SP4: variants seen among roughly 807,000 people sequenced by gnomAD.
The protein encoded by SP4 is Sp4 transcription factor, also known as transcription factor Sp4.
In SP4, 19 loss-of-function variants were observed where a neutral mutation model predicts 72.8. The ratio of observed to expected loss-of-function variants is 0.26; its 90% CI spans 0.18 to 0.38. SP4 has a LOEUF of 0.38. Ranked by LOEUF, SP4 falls within the 10% of genes least tolerant of loss-of-function variation. The probability of loss-of-function intolerance (pLI) is 1.00; values close to 1 mark genes in which losing one functional copy is unlikely to be tolerated. For missense variants in SP4, 1,008 were observed against 926.3 expected, an observed-to-expected ratio of 1.09 and a Z score of -1.14; for synonymous variants, 395 against 333.1, an observed-to-expected ratio of 1.19 and a Z score of -2.02.
chr7:21,450,726 T>C (rs1053904284), intron 3 of SP4, among the ~76,000 whole-genome samples: 1 of 152,220 alleles, frequency 6.6e-6, no homozygotes, highest in Non-Finnish European at 1.5e-5. Context: ...TTTCATATAC[T>C]ACATACTAGC....
At chr7:21,493,756 A>G (rs184786624) in intron 5 of SP4, among the ~76,000 whole-genome samples, 1 of 152,302 alleles carries the variant, frequency 6.6e-6, no homozygotes, top group Admixed American at 6.5e-5. Flanking sequence ...GACAAATTCT[A>G]CCATTTAAGG....
chr7:21,447,869 A>G (rs2128397225), intron 3 of SP4, among the ~76,000 whole-genome samples: 1 of 152,264 alleles, frequency 6.6e-6, no homozygotes, highest in South Asian at 2.1e-4. Context: ...TTGTTACTAG[A>G]GATGGGGTTT....
chr7:21,476,074 C>G (rs554393900), intron 3 of SP4, among the ~76,000 whole-genome samples: 39 of 151,890 alleles, frequency 2.6e-4, no homozygotes, highest in African/African-American at 9.2e-4. Context: ...AGTTTGAGAC[C>G]AGCCTGGCAA....
intron 3 of SP4, among the ~76,000 whole-genome samples, chr7:21,438,286 C>T (rs1449716874): frequency 6.6e-5 from 10 of 152,080 alleles, no homozygotes; most frequent in Admixed American, 6.6e-4. Context: ...TATTTTATTT[C>T]GTTCTGGGTA....
At chr7:21,438,318 G>C (rs1329777644) in intron 3 of SP4, among the ~76,000 whole-genome samples, 1 of 152,122 alleles carries the variant, frequency 6.6e-6, no homozygotes, top group Non-Finnish European at 1.5e-5. Context: ...CACATGGCCA[G>C]AGTTCTCTGT....
chr7:21,478,274 A>G (rs1265388584), intron 4 of SP4, among the ~76,000 whole-genome samples: 1 of 152,236 alleles, frequency 6.6e-6, no homozygotes, highest in Non-Finnish European at 1.5e-5. Flanking sequence ...ATTGAAGGAC[A>G]TTTGGTTTTA....
chr7:21,496,356 C>T (rs1781706011), intron 5 of SP4, among the ~76,000 whole-genome samples: 2 of 152,138 alleles, frequency 1.3e-5, no homozygotes, highest in Non-Finnish European at 2.9e-5. Context: ...GAATTCAGAA[C>T]AGTTTTCTGT....
Position 21,429,639 on chromosome 7 carries a change from T to G in SP4, c.474T>G (p.Asn158Lys), listed in dbSNP as rs764463299. The change falls in exon 3 of 6, where the codon AAT (asparagine) becomes AAG (lysine). Residue 158 changes from asparagine to lysine, a missense_variant. Asn to Lys is a moderately conservative substitution (Grantham distance 94, BLOSUM62 0). Transcript: ENST00000222584. ...AATTTCAAGTCATACAAGTACAAAA[T>G]CCAAGTGGTAGTGTACAGTACCAAG... ...PGQFQVIQVQ[N>K]PSGSVQYQVI... 1 of 1,614,034 alleles carries G rather than the reference T, an allele frequency of 6.2e-7. No homozygotes were observed. The highest frequency in any genetic ancestry group is 8.5e-7 in the Non-Finnish European group (1 of 1,179,964).
intron 5 of SP4, among the ~76,000 whole-genome samples, chr7:21,498,103 C>T (rs950337782): frequency 6.6e-6 from 1 of 152,142 alleles, no homozygotes; most frequent in African/African-American, 2.4e-5. Flanking sequence ...ATCTTTCCCC[C>T]CTTATTACAA....
At chr7:21,446,579 A>G (rs1185822946) in intron 3 of SP4, among the ~76,000 whole-genome samples, 1 of 152,196 alleles carries the variant, frequency 6.6e-6, no homozygotes, top group East Asian at 1.9e-4. Context: ...TGTTTCGTAA[A>G]ATGAAATACT....
At chr7:21,428,310 C>T in intron 1 of SP4, 52 bp downstream of exon 1, 1 of 980,886 alleles carries the variant, frequency 1.0e-6, no homozygotes, top group Non-Finnish European at 1.6e-6. Context: ...CTCTCTCCCT[C>T]CCTCCCCAGA....
At chr7:21,489,151 A>G (rs1007053053) in intron 5 of SP4, among the ~76,000 whole-genome samples, 1 of 152,208 alleles carries the variant, frequency 6.6e-6, no homozygotes, top group Non-Finnish European at 1.5e-5. Context: ...AATTTTATAT[A>G]AAGTTAAATG....
rs759594749 is a variant in SP4, at chr7:21,429,608, C to G, written c.443C>G (p.Pro148Arg). ...TKTKSGNSST[P>R]GQFQVIQVQN... ...ACTAAATCAGGTAATTCTTCCACCC[C>G]TGGTCAATTTCAAGTCATACAAGTA... Residue 148 changes from proline (P) to arginine (R), a missense_variant, in exon 3 of 6, where the codon CCT becomes CGT. By Grantham distance (103) the Pro-to-Arg change is moderately radical (BLOSUM62 -2). Around this residue, in one of 3 missense-constraint regions of SP4, gnomAD observed 893 missense variants for 743.3 expected, o/e 1.20. Coordinates refer to ENST00000222584, the MANE Select transcript of SP4 (RefSeq NM_003112.5). 1 of 1,614,050 alleles carries G rather than the reference C, an allele frequency of 6.2e-7. No homozygotes were observed.
chr7:21,472,394 C>G (rs1192250215), intron 3 of SP4, among the ~76,000 whole-genome samples: 1 of 152,098 alleles, frequency 6.6e-6, no homozygotes, highest in Non-Finnish European at 1.5e-5. Flanking sequence ...AAGTGATCCT[C>G]TCACCTCAGC....
intron 5 of SP4, among the ~76,000 whole-genome samples, chr7:21,503,367 T>A (rs1781916874): frequency 6.6e-6 from 1 of 152,176 alleles, no homozygotes; most frequent in Admixed American, 6.5e-5. Flanking sequence ...CTTGTTCTAA[T>A]CTAAGGAATG....
At chr7:21,470,057 G>C (rs1784286294) in intron 3 of SP4, among the ~76,000 whole-genome samples, 1 of 152,156 alleles carries the variant, frequency 6.6e-6, no homozygotes, top group South Asian at 2.1e-4. Flanking sequence ...AAGTGTAGCA[G>C]ATATCCACTT....
At chr7:21,472,827 AG>A (rs1218428924) in intron 3 of SP4, among the ~76,000 whole-genome samples, 2 of 152,064 alleles carry the variant, frequency 1.3e-5, no homozygotes, top group Admixed American at 6.5e-5. Context: ...ACAGAGAAGA[AG>A]GGGTTTCTGA....
intron 3 of SP4, among the ~76,000 whole-genome samples, chr7:21,474,000 G>A (rs1187100844): frequency 2.0e-5 from 3 of 152,164 alleles, no homozygotes; most frequent in Non-Finnish European, 4.4e-5. Context: ...CAATTAACGG[G>A]CTTCAATATA....
chr7:21,481,142 A>G (rs1458917352), intron 4 of SP4, among the ~76,000 whole-genome samples: 12 of 152,172 alleles, frequency 7.9e-5, no homozygotes, highest in Admixed American at 2.6e-4. Flanking sequence ...GCCACATCCA[A>G]GGTAGAGTCT....
Sources: allele counts gnomAD v4.1 joint callset (sites outside exome capture counted in the v4.1 genomes callset), GRCh38; gene constraint gnomAD v4.1.1; regional missense constraint gnomAD v4.1.1; transcripts MANE v1.5; gene names NCBI Gene and HGNC (gene_info 2026-07-23, HGNC 2026-07-21).